Variants in AMPH observed in about 807,000 individuals in gnomAD.
The protein encoded by AMPH is amphiphysin.
A neutral mutation model predicts 99.1 loss-of-function variants in AMPH; 49 were observed. The ratio of observed to expected loss-of-function variants is 0.49; its 90% CI spans 0.39 to 0.63. AMPH has a LOEUF of 0.63. AMPH is among the 20% of genes least tolerant of loss of function. AMPH has a pLI of 0.00. For missense variants in AMPH, 759 were observed against 863.4 expected, an observed-to-expected ratio of 0.88 and a Z score of 1.52; for synonymous variants, 314 against 317.3, an observed-to-expected ratio of 0.99 and a Z score of 0.11.
chr7:38,445,010 T>TATATATATATAC (rs1458295332), intron 11 of AMPH, among the ~76,000 whole-genome samples: 1 of 125,990 alleles, frequency 7.9e-6, no homozygotes, highest in Non-Finnish European at 1.7e-5. Context: ...TATATATATA[T>TATATATATATAC]ACACACACAC....
At chr7:38,529,732 A>ATC (rs1232144794) in intron 2 of AMPH, among the ~76,000 whole-genome samples, 2 of 152,208 alleles carry the variant, frequency 1.3e-5, no homozygotes, top group Non-Finnish European at 2.9e-5. Flanking sequence ...ATCTCACAAG[A>ATC]AGGTCAAGAT....
chr7:38,423,988 C>T (rs999700765), intron 15 of AMPH, among the ~76,000 whole-genome samples: 1 of 152,150 alleles, frequency 6.6e-6, no homozygotes, highest in Non-Finnish European at 1.5e-5. Flanking sequence ...AATATTGAGA[C>T]CATGCACCCC....
chr7:38,586,288 G>C (rs1287352656), intron 1 of AMPH, among the ~76,000 whole-genome samples: 1 of 152,166 alleles, frequency 6.6e-6, no homozygotes, highest in Non-Finnish European at 1.5e-5. Flanking sequence ...TGCCATTCTT[G>C]TGTCACATGT....
At chr7:38,503,768 G>T in intron 2 of AMPH, 64 bp from the exon 3 acceptor site, 1 of 1,543,842 alleles carries the variant, frequency 6.5e-7, no homozygotes, top group Non-Finnish European at 8.9e-7. Context: ...CATGTAAGAA[G>T]TGCTAAGTCT....
intron 2 of AMPH, among the ~76,000 whole-genome samples, chr7:38,508,048 T>G (rs1789397320): frequency 6.6e-6 from 1 of 152,214 alleles, no homozygotes; most frequent in Non-Finnish European, 1.5e-5. Context: ...TTTTGTTAGT[T>G]TACCTTTAAC....
intron 1 of AMPH, among the ~76,000 whole-genome samples, chr7:38,622,948 T>C (rs1794123214): frequency 6.6e-6 from 1 of 152,178 alleles, no homozygotes; most frequent in Non-Finnish European, 1.5e-5. Flanking sequence ...TGTGCTCTTG[T>C]TCCCTGCAGT....
At chr7:38,608,093 C>T (rs1030439334) in intron 1 of AMPH, among the ~76,000 whole-genome samples, 1 of 152,172 alleles carries the variant, frequency 6.6e-6, no homozygotes, top group Non-Finnish European at 1.5e-5. Context: ...TTGCCTCCAC[C>T]TCCCAAAGTG....
At chr7:38,541,017 TAAAAA>T (rs60200785) in intron 1 of AMPH, among the ~76,000 whole-genome samples, 4 of 97,692 alleles carry the variant, frequency 4.1e-5, no homozygotes, top group African/African-American at 7.5e-5. Context: ...TTTCTGTTCT[TAAAAA>T]AAAAAAAAAA....
intron 1 of AMPH, among the ~76,000 whole-genome samples, chr7:38,576,593 G>C (rs926210570): frequency 6.6e-6 from 1 of 152,144 alleles, no homozygotes; most frequent in Non-Finnish European, 1.5e-5. Context: ...AGATAATCAT[G>C]ATCTTTGTCT....
intron 20 of AMPH, among the ~76,000 whole-genome samples, chr7:38,387,100 C>A (rs1784370698): frequency 6.6e-6 from 1 of 152,176 alleles, no homozygotes; most frequent in African/African-American, 2.4e-5. Flanking sequence ...ATAAAACCAA[C>A]TCCCATCAAT....
chr7:38,462,675 T>C (rs1162888175), intron 10 of AMPH, among the ~76,000 whole-genome samples: 1 of 151,984 alleles, frequency 6.6e-6, no homozygotes, highest in Non-Finnish European at 1.5e-5. Context: ...AAATGGAGCA[T>C]TGAAAGAAAA....
At chr7:38,493,042 T>C (rs1788787363) in intron 4 of AMPH, among the ~76,000 whole-genome samples, 1 of 152,216 alleles carries the variant, frequency 6.6e-6, no homozygotes. Context: ...TTGAAAGATG[T>C]AAAGGAGCCA....
intron 4 of AMPH, among the ~76,000 whole-genome samples, chr7:38,491,952 T>G (rs1404234414): frequency 6.6e-6 from 1 of 152,204 alleles, no homozygotes; most frequent in East Asian, 1.9e-4. Context: ...CTCCCTGAAT[T>G]TCAATTCCCC....
chr7:38,432,219 G>C lies in AMPH; in HGVS notation c.1135-7C>G. 1 of 1,611,300 alleles carries C rather than the reference G, an allele frequency of 6.2e-7. No individual in the cohort carries two copies. The highest frequency in any genetic ancestry group is 8.5e-7 in the Non-Finnish European group (1 of 1,177,592). On this transcript the variant is annotated splice_region_variant and splice_polypyrimidine_tract_variant and intron_variant, in intron 12 of 20. Coordinates refer to ENST00000356264, the MANE Select transcript of AMPH (RefSeq NM_001635.4). ...ATAGGTCCCAGGGCAATGTCTGAAA[G>C]CAAATAAACAAAAATACTGTTAGTT...
intron 1 of AMPH, among the ~76,000 whole-genome samples, chr7:38,590,568 G>T (rs928132098): frequency 6.6e-6 from 1 of 152,200 alleles, no homozygotes. Flanking sequence ...CCCAATCATT[G>T]TCCCTCCCCC....
At chr7:38,517,596 T>TA (rs1163603946) in intron 2 of AMPH, among the ~76,000 whole-genome samples, 1 of 152,176 alleles carries the variant, frequency 6.6e-6, no homozygotes, top group African/African-American at 2.4e-5. Flanking sequence ...AGTGGACTAA[T>TA]ACAGTGATGC....
chr7:38,536,924 T>C (rs1247789490), intron 1 of AMPH, among the ~76,000 whole-genome samples: 1 of 152,158 alleles, frequency 6.6e-6, no homozygotes, highest in East Asian at 1.9e-4. Context: ...AAAAAGACTA[T>C]AACTATGTTA....
At chr7:38,423,324 T>A (rs1223916073) in intron 15 of AMPH, among the ~76,000 whole-genome samples, 3 of 152,192 alleles carry the variant, frequency 2.0e-5, no homozygotes, top group Non-Finnish European at 4.4e-5. Context: ...TCATCTCTCA[T>A]TACATTGGTA....
Position 38,461,411 on chromosome 7 carries a change from T to C in AMPH, c.889A>G (p.Thr297Ala). Residue 297 changes from threonine (T) to alanine (A), a missense_variant and splice_region_variant, in exon 11 of 21, where the codon ACA (threonine) becomes GCA (alanine). Physicochemically the swap from Thr to Ala is moderately conservative, Grantham distance 58 (BLOSUM62 0). Transcript: ENST00000356264. ...APARPRSPSQ[T>A]RKGPPVPPLP... ...GGTGGGACAGGAGGCCCTTTCCTTG[T>C]CTAGGAAGCATTAAATACAAACATT... 6.2e-7 allele frequency: 1 copy of C among 1,614,092 alleles called. No homozygotes were observed. The highest frequency in any genetic ancestry group is 8.5e-7 in the Non-Finnish European group (1 of 1,179,934).
Sources: allele counts gnomAD v4.1 joint callset (sites outside exome capture counted in the v4.1 genomes callset), GRCh38; gene constraint gnomAD v4.1.1; transcripts MANE v1.5; gene names NCBI Gene and HGNC (gene_info 2026-07-23, HGNC 2026-07-21).